Variants in ARID5B observed in about 807,000 individuals in gnomAD.
The protein encoded by ARID5B is AT-rich interaction domain 5B.
ARID5B carries 13 observed loss-of-function variants against 97.2 expected under a neutral mutation model. The observed-to-expected ratio is 0.13, with a 90% CI of 0.09 to 0.21. The LOEUF (loss-of-function observed/expected upper bound fraction) is 0.21. Ranked by LOEUF, ARID5B falls within the 10% of genes least tolerant of loss-of-function variation. The probability of loss-of-function intolerance (pLI) is 1.00; values close to 1 mark genes in which losing one functional copy is unlikely to be tolerated. For missense variants in ARID5B, 1,210 were observed against 1,465.3 expected (o/e 0.83, Z 2.84); for synonymous variants, 556 against 570.3 (o/e 0.97, Z 0.36).
intron 4 of ARID5B, among the ~76,000 whole-genome samples, chr10:62,048,780 A>G (rs1839745709): frequency 6.6e-6 from 1 of 152,220 alleles, no homozygotes; most frequent in African/African-American, 2.4e-5. Flanking sequence ...GGGATTTGAA[A>G]GCTTTTCTAG....
intron 3 of ARID5B, among the ~76,000 whole-genome samples, chr10:61,991,750 C>T (rs989133972): frequency 1.1e-4 from 16 of 152,106 alleles, no homozygotes; most frequent in African/African-American, 3.9e-4. Flanking sequence ...ATTGTGGAGG[C>T]CAGGCACGGT....
chr10:62,019,899 G>C (rs1839333547), intron 4 of ARID5B, among the ~76,000 whole-genome samples: 1 of 152,144 alleles, frequency 6.6e-6, no homozygotes, highest in South Asian at 2.1e-4. Context: ...AATCGCCCAG[G>C]GCTGAGCTCG....
intron 4 of ARID5B, among the ~76,000 whole-genome samples, chr10:62,042,322 T>C (rs776298715): frequency 2.0e-4 from 30 of 152,324 alleles, no homozygotes; most frequent in Non-Finnish European, 3.8e-4. Context: ...GAGAGGAGCC[T>C]GGGGCCTGGA....
intron 4 of ARID5B, among the ~76,000 whole-genome samples, chr10:62,033,592 T>C (rs1839524517): frequency 6.6e-6 from 1 of 152,180 alleles, no homozygotes; most frequent in Admixed American, 6.5e-5. Context: ...AGGGCCCAGG[T>C]GTTTCCAAAA....
chr10:61,958,010 G>C (rs760273722), intron 3 of ARID5B, among the ~76,000 whole-genome samples: 2 of 152,286 alleles, frequency 1.3e-5, no homozygotes, highest in African/African-American at 4.8e-5. Context: ...CCACCTGGTT[G>C]GTTGGTGGGT....
chr10:61,993,859 A>C (rs1838961500), intron 3 of ARID5B, among the ~76,000 whole-genome samples: 1 of 152,242 alleles, frequency 6.6e-6, no homozygotes, highest in African/African-American at 2.4e-5. Flanking sequence ...AATGTAATAA[A>C]GTAACAGGAG....
rs527530784 is a variant in ARID5B, at chr10:61,956,109, A to G, written c.502+15701A>G. 5.3e-5 allele frequency among the ~76,000 whole-genome samples: 8 copies of G among 152,306 alleles called. No homozygotes were observed. The South Asian group carries it at 1.0e-3, about 20-fold the overall frequency. On this transcript the variant is annotated intron_variant, in intron 3 of 9. Coordinates refer to ENST00000279873, the MANE Select transcript of ARID5B (RefSeq NM_032199.3). ...ATATGGTTTATAACAGGGGTCCCCA[A>G]TCCCCGGGCTGTGGACTGGTACTAG... is the stretch of plus-strand genomic sequence containing the variant.
intron 9 of ARID5B, among the ~76,000 whole-genome samples, chr10:62,088,697 C>G (rs9415639): frequency 0.8 from 121,463 of 152,174 alleles, 49,149 homozygotes; most frequent in Middle Eastern, 0.93. Context: ...AACATAGAAC[C>G]ATGTTATTAG....
chr10:62,082,931 C>CT (rs1840232590), intron 8 of ARID5B, among the ~76,000 whole-genome samples: 1 of 152,146 alleles, frequency 6.6e-6, no homozygotes, highest in South Asian at 2.1e-4. Flanking sequence ...CATATTTCTA[C>CT]TTGCTTCCTT....
intron 3 of ARID5B, among the ~76,000 whole-genome samples, chr10:61,979,835 T>A (rs1399112897): frequency 6.6e-6 from 1 of 152,200 alleles, no homozygotes; most frequent in Non-Finnish European, 1.5e-5. Flanking sequence ...CTCACGCCTG[T>A]AATCCCAGCA....
intron 2 of ARID5B, among the ~76,000 whole-genome samples, chr10:61,926,687 C>T (rs1290119410): frequency 1.3e-5 from 2 of 152,206 alleles, no homozygotes; most frequent in East Asian, 3.9e-4. Context: ...CAGCTCGCTG[C>T]AACCTTCTCC....
chr10:62,030,367 G>T (rs1839480792), intron 4 of ARID5B, among the ~76,000 whole-genome samples: 1 of 152,148 alleles, frequency 6.6e-6, no homozygotes. Context: ...CTGACCTCAG[G>T]TGATCCACCT....
chr10:62,024,842 G>A lies in ARID5B; in HGVS notation c.733+24521G>A, dbSNP rs115259590. ...TTCGGGTTCTGAAATGGCTTGGAAAGAACTTTTAAAATATCGAGAATGGCT... is the reference window on the plus strand; with the variant it reads ...TTCGGGTTCTGAAATGGCTTGGAAAAAACTTTTAAAATATCGAGAATGGCT... On this transcript the variant is annotated intron_variant, in intron 4 of 9. Transcript: ENST00000279873. The A allele has an allele frequency of 5.4e-3, 1,972 of 368,578 alleles. 29 individuals carry two copies. The highest frequency in any genetic ancestry group is 0.036 in the African/African-American group (1,712 of 48,126). 22.8% of individuals were successfully genotyped at this position (368,578 alleles called of 1,614,324 possible).
intron 8 of ARID5B, among the ~76,000 whole-genome samples, chr10:62,078,416 GAAGTT>G (rs747703484): frequency 3.9e-5 from 6 of 152,216 alleles, no homozygotes; most frequent in Non-Finnish European, 8.8e-5. Flanking sequence ...CTGAGTCCAG[GAAGTT>G]AAGGCTGCAG....
chr10:61,948,017 T>C (rs1273834787), intron 3 of ARID5B, among the ~76,000 whole-genome samples: 1 of 152,222 alleles, frequency 6.6e-6, no homozygotes, highest in East Asian at 1.9e-4. Context: ...AGATGGACCA[T>C]CAGCTGAAAA....
chr10:62,092,074 C>A lies in ARID5B; in HGVS notation c.2611C>A (p.Pro871Thr). 6.2e-7 allele frequency: 1 copy of A among 1,614,026 alleles called. No homozygotes were observed. The highest frequency in any genetic ancestry group is 8.5e-7 in the Non-Finnish European group (1 of 1,179,988). Residue 871 changes from proline to threonine, a missense_variant, in exon 10 of 10, where the codon CCT becomes ACT. Pro to Thr is a conservative substitution (Grantham distance 38, BLOSUM62 -1). Coordinates refer to ENST00000279873, the MANE Select transcript of ARID5B (RefSeq NM_032199.3). Reference protein sequence around the residue: ...MYRESENSSFPSHRHQEKLHV... With the variant: ...MYRESENSSFTSHRHQEKLHV... ...CAGGGAATCGGAAAACAGTTCTTTTCCTTCCCACAGACACCAAGAAAAGCT... is the reference window on the plus strand; with the variant it reads ...CAGGGAATCGGAAAACAGTTCTTTTACTTCCCACAGACACCAAGAAAAGCT...
chr10:62,077,849 G>A (rs1840158885), intron 8 of ARID5B, among the ~76,000 whole-genome samples: 1 of 152,142 alleles, frequency 6.6e-6, no homozygotes. Context: ...TTTCAGTTAT[G>A]TGAGTAACAG....
At chr10:61,976,782 T>C (rs1479108368) in intron 3 of ARID5B, among the ~76,000 whole-genome samples, 1 of 152,176 alleles carries the variant, frequency 6.6e-6, no homozygotes, top group African/African-American at 2.4e-5. Context: ...CACAGGATCT[T>C]AAATTACGTA....
At chr10:61,968,208 AC>A (rs1334931260) in intron 3 of ARID5B, among the ~76,000 whole-genome samples, 125 of 149,606 alleles carry the variant, frequency 8.4e-4, no homozygotes, top group African/African-American at 2.9e-3. Flanking sequence ...ACACACACAC[AC>A]ACACAAACAC....
Sources: allele counts gnomAD v4.1 joint callset (sites outside exome capture counted in the v4.1 genomes callset), GRCh38; gene constraint gnomAD v4.1.1; transcripts MANE v1.5; gene names NCBI Gene and HGNC (gene_info 2026-07-23, HGNC 2026-07-21).